Variants in TUBGCP5 observed in about 807,000 individuals in gnomAD.
TUBGCP5 encodes gamma-tubulin complex component 5.
Under a neutral mutation model 134.7 loss-of-function variants are expected in TUBGCP5, and 98 were observed. That is an observed-to-expected ratio of 0.73 (90% CI 0.62 to 0.86). The LOEUF (loss-of-function observed/expected upper bound fraction) is 0.86. TUBGCP5 is among the 40% of genes least tolerant of loss of function. TUBGCP5 has a pLI of 0.00. For synonymous variants in TUBGCP5, 456 were observed against 431.4 expected, an observed-to-expected ratio of 1.06 and a Z score of -0.71; for missense variants, 1,150 against 1,244.8, an observed-to-expected ratio of 0.92 and a Z score of 1.15.
downstream of TUBGCP5, among the ~76,000 whole-genome samples, chr15:22,998,719 A>T (rs2064208713): frequency 6.6e-6 from 1 of 151,820 alleles, no homozygotes. Context: ...GGTTCAAGTG[A>T]TTCTCCTGCC....
intron 11 of TUBGCP5, among the ~76,000 whole-genome samples, chr15:23,019,896 C>T (rs1011702971): frequency 1.3e-5 from 2 of 152,148 alleles, no homozygotes; most frequent in Non-Finnish European, 2.9e-5. Flanking sequence ...GAAAGTGACA[C>T]AGAGGCAGCA....
intron 13 of TUBGCP5, among the ~76,000 whole-genome samples, chr15:23,016,986 ATG>A (rs947286058): frequency 2.2e-5 from 3 of 138,342 alleles, no homozygotes; most frequent in African/African-American, 8.1e-5. Flanking sequence ...ATATATATAT[ATG>A]TATATATCTT....
At chr15:23,015,934 G>A (rs8030834) in intron 13 of TUBGCP5, among the ~76,000 whole-genome samples, 5,667 of 152,106 alleles carry the variant, frequency 0.037, 355 homozygotes, top group African/African-American at 0.13. Context: ...AATCAATGTA[G>A]AAATACATCA....
chr15:23,002,830 A>C (rs1320113028), intron 21 of TUBGCP5, among the ~76,000 whole-genome samples: 1 of 152,160 alleles, frequency 6.6e-6, no homozygotes, highest in Non-Finnish European at 1.5e-5. Flanking sequence ...TGCTTGTTTA[A>C]ATCAGAAGAC....
At chr15:23,038,052 C>T (rs918533563) in intron 1 of TUBGCP5, among the ~76,000 whole-genome samples, 1 of 152,190 alleles carries the variant, frequency 6.6e-6, no homozygotes, top group Non-Finnish European at 1.5e-5. Flanking sequence ...GCGTGAGCCA[C>T]CGCGCCCAGT....
In TUBGCP5 at chr15:23,008,482, C is replaced by A. The variant is rs563033891; in HGVS notation, c.2327+217G>T. ...CCATGTTGGCCAGGCTGGTCTCGAA[C>A]TCCTGACCTCAGGTGATCCACCGCC... On this transcript the variant is annotated intron_variant, in intron 16 of 22. Coordinates refer to ENST00000615383, the MANE Select transcript of TUBGCP5 (RefSeq NM_052903.6). 223 of 587,256 alleles carry A rather than the reference C, an allele frequency of 3.8e-4. 1 individual carries two copies. The African/African-American group carries it at 4.1e-3, about 11-fold the overall frequency. The allele number at this position is 587,256 out of a possible 1,614,324, so 36.4% of individuals were successfully genotyped here.
At chr15:23,031,398 C>A (rs1195263818) in intron 5 of TUBGCP5, among the ~76,000 whole-genome samples, 1 of 151,856 alleles carries the variant, frequency 6.6e-6, no homozygotes, top group Non-Finnish European at 1.5e-5. Context: ...CTCATTGCAA[C>A]CTCCACCTCC....
At chr15:23,008,322 A>C (rs1193203916) in intron 16 of TUBGCP5, 2 of 257,832 alleles carry the variant, frequency 7.8e-6, no homozygotes, top group Non-Finnish European at 1.5e-5. Flanking sequence ...GCTGGAGTGC[A>C]GTGGCATGAT....
At chr15:22,992,246 G>A (rs1423138735) in intron 23 of TUBGCP5, among the ~76,000 whole-genome samples, 1 of 152,110 alleles carries the variant, frequency 6.6e-6, no homozygotes. Context: ...CATGATGAGA[G>A]GCCCTAGCTT....
At chr15:23,027,097 T>C (rs1340939006) in intron 7 of TUBGCP5, 95 bp downstream of exon 7, 1 of 962,028 alleles carries the variant, frequency 1.0e-6, no homozygotes, top group Non-Finnish European at 1.6e-6. Flanking sequence ...CAAGTTTAAA[T>C]TTCAGGGAAG....
chr15:23,016,497 G>GAAAAAAAAAAAAAAAAAA (rs34275068), intron 13 of TUBGCP5, among the ~76,000 whole-genome samples: 1 of 102,834 alleles, frequency 9.7e-6, no homozygotes. Context: ...TCTGTCTCAG[G>GAAAAAAAAAAAAAAAAAA]AAAAAAAAAA....
At chr15:22,990,411 C>T (rs368626168) in intron 23 of TUBGCP5, among the ~76,000 whole-genome samples, 3 of 152,190 alleles carry the variant, frequency 2.0e-5, no homozygotes, top group Admixed American at 6.5e-5. Context: ...GAACTGGTCA[C>T]GTGCATTTGG....
intron 3 of TUBGCP5, 127 bp from the exon 4 acceptor site, chr15:23,032,951 A>G (rs543998390): frequency 4.2e-5 from 24 of 569,870 alleles, no homozygotes; most frequent in Non-Finnish European, 5.3e-5. Flanking sequence ...AACATGAGTT[A>G]TACCTAAATA....
rs1259238677 is a variant in TUBGCP5, at chr15:23,001,386, C to A, written c.2928-717G>T. ...CAGAGTTTCGCTCTTGTTGCCCAGGCTGGAGTGCAATGTAGCGATCTCGGC... is the reference window on the plus strand; with the variant it reads ...CAGAGTTTCGCTCTTGTTGCCCAGGATGGAGTGCAATGTAGCGATCTCGGC... On this transcript the variant is annotated intron_variant, in intron 21 of 22. Transcript: ENST00000615383. Among the ~76,000 whole-genome samples the A allele has an allele frequency of 1.6e-4, 24 of 151,260 alleles. No individual in the cohort carries two copies. In the Admixed American group the frequency reaches 1.6e-3, roughly 10 times the overall value.
intron 1 of TUBGCP5, among the ~76,000 whole-genome samples, chr15:23,039,034 A>T (rs1248038482): frequency 3.4e-5 from 2 of 59,120 alleles, no homozygotes; most frequent in African/African-American, 1.4e-4. Context: ...CTTTAATTTA[A>T]AAAAAAAAAA....
At chr15:23,016,976 A>ATG (rs934744766) in intron 13 of TUBGCP5, among the ~76,000 whole-genome samples, 2 of 143,162 alleles carry the variant, frequency 1.4e-5, no homozygotes, top group African/African-American at 5.3e-5. Flanking sequence ...TGAGATATAT[A>ATG]TATATATATA....
Position 23,022,228 on chromosome 15 carries a change from T to C in TUBGCP5, c.1169-67A>G, listed in dbSNP as rs1246178865. The C allele has an allele frequency of 5.9e-6, 9 of 1,535,018 alleles. No individual in the cohort carries two copies. In the East Asian group the frequency reaches 1.4e-4, roughly 23 times the overall value. On this transcript the variant is annotated intron_variant, in intron 10 of 22. Transcript: ENST00000615383. ...ACATGCATCTAAAATGTGACATAAATGCTGGCAAATCATCAGGCTTATGGA... is the reference window on the plus strand; with the variant it reads ...ACATGCATCTAAAATGTGACATAAACGCTGGCAAATCATCAGGCTTATGGA...
intron 3 of TUBGCP5, among the ~76,000 whole-genome samples, chr15:23,033,295 C>G (rs951057845): frequency 2.6e-5 from 4 of 151,798 alleles, no homozygotes; most frequent in Non-Finnish European, 5.9e-5. Flanking sequence ...TTTTTCCCCC[C>G]GAGATGGATT....
chr15:23,011,795 G>C (rs1174879234), intron 13 of TUBGCP5, among the ~76,000 whole-genome samples: 2 of 148,464 alleles, frequency 1.3e-5, no homozygotes, highest in Non-Finnish European at 3.0e-5. Context: ...ACAGGCGTGA[G>C]CCACTGTGCC....
Sources: allele counts gnomAD v4.1 joint callset (sites outside exome capture counted in the v4.1 genomes callset), GRCh38; gene constraint gnomAD v4.1.1; transcripts MANE v1.5; gene names NCBI Gene and HGNC (gene_info 2026-07-23, HGNC 2026-07-21).